The following WDR93 variants were observed in gnomAD, a reference collection of about 807,000 sequenced individuals.
WDR93 encodes WD repeat domain 93, also known as WD repeat-containing protein 93.
WDR93 carries 73 observed loss-of-function variants against 82.9 expected under a neutral mutation model. The observed-to-expected ratio is 0.88, with a 90% confidence interval of 0.73 to 1.07. The LOEUF is 1.07. WDR93 is among the 50% of genes least tolerant of loss of function. The probability of loss-of-function intolerance (pLI) is 0.00; values close to 1 mark genes in which losing one functional copy is unlikely to be tolerated. For synonymous variants in WDR93, 283 were observed against 300.1 expected (o/e 0.94, Z 0.59); for missense variants, 738 against 826.0 (o/e 0.89, Z 1.31).
chr15:89,731,321 A>G, intron 11 of WDR93, 122 bp from the exon 12 acceptor site: 1 of 1,434,186 alleles, frequency 7.0e-7, no homozygotes, highest in Non-Finnish European at 9.6e-7. Flanking sequence ...GAGTCCAGAC[A>G]GGTGCTCCTG....
Position 89,741,533 on chromosome 15 carries a change from G to T in WDR93, c.1962-1759G>T, listed in dbSNP as rs529588868. ...GTGAGCCACCATTCTCAGCCTAAAA[G>T]AAACCATTACAGATACAGGGAATTC... On this transcript the variant is annotated intron_variant, in intron 16 of 16. Coordinates refer to ENST00000268130, the MANE Select transcript of WDR93 (RefSeq NM_020212.2). 3.9e-4 allele frequency among the ~76,000 whole-genome samples: 60 copies of T among 152,264 alleles called. 1 individual carries two copies. The South Asian group carries it at 0.012, about 31-fold the overall frequency.
intron 13 of WDR93, among the ~76,000 whole-genome samples, chr15:89,734,188 C>T (rs947987329): frequency 6.6e-6 from 1 of 152,170 alleles, no homozygotes; most frequent in African/African-American, 2.4e-5. Context: ...TGCTAAATAA[C>T]AAACCACCCC....
At chr15:89,735,908 G>A (rs1380118820) in intron 14 of WDR93, among the ~76,000 whole-genome samples, 1 of 152,204 alleles carries the variant, frequency 6.6e-6, no homozygotes, top group Non-Finnish European at 1.5e-5. Flanking sequence ...TGAGCCAGAG[G>A]AGTTGAGAAG....
chr15:89,709,004 G>A (rs1448785226), intron 4 of WDR93, among the ~76,000 whole-genome samples: 1 of 152,212 alleles, frequency 6.6e-6, no homozygotes, highest in Non-Finnish European at 1.5e-5. Context: ...TGGCTGTGAC[G>A]GCCAGGTGCC....
chr15:89,704,289 T>C (rs1965625622), intron 3 of WDR93: 2 of 151,820 alleles, frequency 1.3e-5, no homozygotes, highest in African/African-American at 4.8e-5. Context: ...GATCGCACCA[T>C]TGCACTCCAG....
At chr15:89,727,129 G>C in intron 8 of WDR93, 28 bp from the exon 9 acceptor site, 1 of 1,608,502 alleles carries the variant, frequency 6.2e-7, no homozygotes. Flanking sequence ...CACATGGCTT[G>C]ACTAATTCTG....
intron 15 of WDR93, 114 bp from the exon 16 acceptor site, chr15:89,737,927 C>T: frequency 7.4e-7 from 1 of 1,347,924 alleles, no homozygotes; most frequent in Admixed American, 2.2e-5. Flanking sequence ...ACAGCTCAAC[C>T]CAGATGACCC....
At chr15:89,690,627 G>A, upstream of WDR93, 7 of 1,551,088 alleles carry the variant, frequency 4.5e-6, no homozygotes, top group South Asian at 1.2e-5. Context: ...GGGTGAAGGC[G>A]TCCATGGCTT....
intron 8 of WDR93, among the ~76,000 whole-genome samples, chr15:89,724,265 C>G (rs1362678261): frequency 6.6e-6 from 1 of 152,108 alleles, no homozygotes; most frequent in Non-Finnish European, 1.5e-5. Flanking sequence ...TTGCTTGAAC[C>G]TGGGAGGCAG....
intron 1 of WDR93, among the ~76,000 whole-genome samples, chr15:89,697,198 A>G (rs911462491): frequency 4.6e-5 from 7 of 152,100 alleles, no homozygotes; most frequent in South Asian, 2.1e-4. Context: ...GCCTCAAGCA[A>G]TCTTCCCACC....
intron 4 of WDR93, among the ~76,000 whole-genome samples, chr15:89,706,959 T>G (rs1256401254): frequency 6.6e-6 from 1 of 152,112 alleles, no homozygotes; most frequent in Admixed American, 6.5e-5. Flanking sequence ...TTATCTAAAT[T>G]AAAAACTTCT....
chr15:89,690,455 G>A, upstream of WDR93: 1 of 693,986 alleles, frequency 1.4e-6, no homozygotes, highest in African/African-American at 1.8e-5. Flanking sequence ...CGTAGGAGCT[G>A]GCAACGTCCT....
At chr15:89,723,201 T>C (rs1966597595) in intron 8 of WDR93, among the ~76,000 whole-genome samples, 1 of 142,154 alleles carries the variant, frequency 7.0e-6, no homozygotes, top group African/African-American at 2.8e-5. Flanking sequence ...AACCGCGTCA[T>C]AAATAAATAA....
chr15:89,739,462 A>T (rs1967482909), intron 16 of WDR93, among the ~76,000 whole-genome samples: 1 of 150,774 alleles, frequency 6.6e-6, no homozygotes, highest in Non-Finnish European at 1.5e-5. Context: ...TCCTCTTTCC[A>T]CTCTCCCTAA....
intron 1 of WDR93, among the ~76,000 whole-genome samples, chr15:89,699,709 GGC>G (rs1252524953): frequency 6.6e-6 from 1 of 151,188 alleles, no homozygotes. Context: ...CTTTTCTTCT[GGC>G]CATCTAATTT....
At chr15:89,702,154 T>C (rs574424181) in intron 2 of WDR93, 105 bp downstream of exon 2, 2 of 1,258,986 alleles carry the variant, frequency 1.6e-6, no homozygotes, top group Admixed American at 5.5e-5. Flanking sequence ...CTGCATTCAA[T>C]AAGTCAGTGC....
At chr15:89,732,343 A>T (rs974898698) in intron 12 of WDR93, among the ~76,000 whole-genome samples, 6 of 152,082 alleles carry the variant, frequency 3.9e-5, no homozygotes, top group African/African-American at 1.4e-4. Flanking sequence ...GTTCTCAGGG[A>T]GGTGTCTGTC....
chr15:89,729,225 C>A, intron 10 of WDR93, 132 bp downstream of exon 10: 1 of 809,106 alleles, frequency 1.2e-6, no homozygotes, highest in Non-Finnish European at 2.1e-6. Flanking sequence ...AGTTTGGTTG[C>A]CAGCTGTAGC....
rs182646859 is a variant in WDR93 at position 89,739,793 on chromosome 15, C to T, written c.1961+1557C>T. Among the ~76,000 whole-genome samples, 6 of 152,284 alleles carry T rather than the reference C, an allele frequency of 3.9e-5. No homozygotes were observed. In the East Asian group the frequency reaches 7.7e-4, roughly 20 times the overall value. On this transcript the variant is annotated intron_variant, in intron 16 of 16. Coordinates refer to ENST00000268130, the MANE Select transcript of WDR93 (RefSeq NM_020212.2). ...TGAGATTCTGTGATCTCTCCAATCACCATAATGTCTCTTCACGACTGTCTC... is the reference window on the plus strand; with the variant it reads ...TGAGATTCTGTGATCTCTCCAATCATCATAATGTCTCTTCACGACTGTCTC...
Sources: gnomAD v4.1 joint callset for allele counts (sites outside exome capture counted in the v4.1 genomes callset) on GRCh38, gnomAD v4.1.1 for gene constraint, MANE v1.5 for transcripts, NCBI Gene and HGNC (gene_info 2026-07-23, HGNC 2026-07-21) for gene names.